PDXDC1: variants seen among roughly 807,000 people sequenced by gnomAD.
The protein encoded by PDXDC1 is pyridoxal-dependent decarboxylase domain-containing protein 1.
PDXDC1 carries 42 observed loss-of-function variants against 100.1 expected under a neutral mutation model. That is an observed-to-expected ratio of 0.42 (90% CI 0.33 to 0.54). The LOEUF is 0.54. Ranked by LOEUF, PDXDC1 falls within the 20% of genes least tolerant of loss-of-function variation. The pLI is 0.10. For synonymous variants in PDXDC1, 260 were observed against 371.7 expected, an observed-to-expected ratio of 0.70 and a Z score of 3.46; for missense variants, 636 against 979.2, an observed-to-expected ratio of 0.65 and a Z score of 4.68.
intron 16 of PDXDC1, chr16:15,094,038 C>T (rs1215428015): frequency 1.0e-6 from 1 of 980,120 alleles, no homozygotes; most frequent in Non-Finnish European, 1.6e-6. Context: ...ACCCCGTGCT[C>T]CTATCACACG....
intron 11 of PDXDC1, among the ~76,000 whole-genome samples, chr16:15,017,944 G>A (rs1217938597): frequency 1.5e-4 from 23 of 152,214 alleles, no homozygotes; most frequent in African/African-American, 5.1e-4. Flanking sequence ...ACAGGCATGC[G>A]CCACCACGCC....
intron 16 of PDXDC1, among the ~76,000 whole-genome samples, chr16:15,058,077 C>T (rs764552011): frequency 1.8e-4 from 28 of 152,062 alleles, no homozygotes; most frequent in Non-Finnish European, 2.8e-4. Context: ...TTTGAAAGGC[C>T]GAAGGAGGAC....
In PDXDC1 at chr16:15,079,623, C is replaced by T. The variant is rs531748907; in HGVS notation, c.1399+49567C>T. Among the ~76,000 whole-genome samples the T allele has an allele frequency of 5.0e-3, 754 of 150,388 alleles. 8 individuals are homozygous for T. The highest frequency in any genetic ancestry group is 0.017 in the African/African-American group (709 of 40,952). On this transcript the variant is annotated intron_variant, in intron 16 of 16. Transcript: ENST00000535621. ...TTTTTTTTTTTTTGAGATGGAGTCT[C>T]GCTCTGTCGCCCAGGCTGGAGTGCA... is the stretch of plus-strand genomic sequence containing the variant.
At chr16:15,002,805 C>T (rs1372832403) in intron 4 of PDXDC1, among the ~76,000 whole-genome samples, 1 of 152,300 alleles carries the variant, frequency 6.6e-6, no homozygotes, top group East Asian at 1.9e-4. Flanking sequence ...TTTTCACCTG[C>T]AAAGGCGTTA....
At chr16:15,128,805 GTATTT>G (rs985274563) in intron 16 of PDXDC1, among the ~76,000 whole-genome samples, 2 of 150,788 alleles carry the variant, frequency 1.3e-5, no homozygotes, top group African/African-American at 4.9e-5. Flanking sequence ...CCAGGTGACA[GTATTT>G]TTTTTTTTTT....
In PDXDC1 at chr16:15,028,888, T is replaced by A. The variant is rs143237387; in HGVS notation, c.1215T>A (p.Phe405Leu). The A allele has an allele frequency of 4.7e-5, 76 of 1,613,798 alleles. No individual in the cohort carries two copies. In the African/African-American group the frequency reaches 9.2e-4, roughly 20 times the overall value. ...GTGTTTTGGTGTCAGATCCGGTGTTTAAAGCCGTCCCAGTGCCCAACATGA... is the reference window on the plus strand; with the variant it reads ...GTGTTTTGGTGTCAGATCCGGTGTTAAAAGCCGTCCCAGTGCCCAACATGA... The part of the protein sequence containing the change: ...FQELPGSDPV[F>L]KAVPVPNMTP... Residue 405 changes from phenylalanine (F) to leucine (L), a missense_variant, in exon 15 of 23, where the codon TTT (phenylalanine) becomes TTA (leucine). Phe to Leu is a conservative substitution (Grantham distance 22, BLOSUM62 0). Coordinates refer to ENST00000396410, the MANE Select transcript of PDXDC1 (RefSeq NM_015027.4).
the PDXDC1 span, among the ~76,000 whole-genome samples, chr16:15,147,725 G>A: frequency 9.9e-5 from 15 of 152,136 alleles, no homozygotes; most frequent in Non-Finnish European, 1.8e-4. Flanking sequence ...GTCTCGCTCT[G>A]TTGACCAGGC....
intron 22 of PDXDC1, 126 bp from the exon 23 acceptor site, chr16:15,035,890 C>A: frequency 9.7e-7 from 1 of 1,033,562 alleles, no homozygotes; most frequent in Non-Finnish European, 1.4e-6. Context: ...TAAAACACCT[C>A]AGAGCCAGTA....
intron 14 of PDXDC1, among the ~76,000 whole-genome samples, chr16:15,027,689 C>T (rs1207779057): frequency 3.3e-5 from 5 of 152,294 alleles, no homozygotes; most frequent in Admixed American, 2.0e-4. Context: ...GCTGGCTTGC[C>T]GGGGCCTGTC....
intron 16 of PDXDC1, chr16:15,104,360 A>G: frequency 6.3e-7 from 1 of 1,597,912 alleles, no homozygotes; most frequent in Non-Finnish European, 8.5e-7. Flanking sequence ...GTTTCTTCAG[A>G]TTATCATCCA....
intron 16 of PDXDC1, among the ~76,000 whole-genome samples, chr16:15,098,067 G>A (rs754350961): frequency 5.9e-4 from 87 of 148,148 alleles, no homozygotes; most frequent in Non-Finnish European, 9.2e-4. Flanking sequence ...ATGAGCCACC[G>A]CGACCAGCCT....
rs532430347 is a variant in PDXDC1, at chr16:15,058,297, AAAAAAG to A, written c.1399+28257_1399+28262del. ...TGATTACAGCAAGACCGTCTCAAAA[AAAAAAG>A]AAAAAGAAAAAGAAAGCACTAATTA... On this transcript the variant is annotated intron_variant, in intron 16 of 16. Coordinates refer to the PDXDC1 transcript ENST00000535621. 2.8e-4 allele frequency among the ~76,000 whole-genome samples: 42 copies of A among 152,232 alleles called. No individual in the cohort carries two copies. In the South Asian group the frequency reaches 7.9e-3, roughly 29 times the overall value.
chr16:15,110,649 G>A, intron 16 of PDXDC1: 4 of 1,559,498 alleles, frequency 2.6e-6, no homozygotes, highest in Non-Finnish European at 3.5e-6. Flanking sequence ...AGAAACCTGA[G>A]GGCAAGAAGC....
Position 15,051,325 on chromosome 16 carries a change from A to C in PDXDC1, c.1399+21269A>C, listed in dbSNP as rs191007689. ...AAATTATCAGAAGAGAGAATGCCAG[A>C]AAACTAAAACAGTAGACTGCTTTGC... On this transcript the variant is annotated intron_variant, in intron 16 of 16. Coordinates refer to the PDXDC1 transcript ENST00000535621. 7.9e-5 allele frequency among the ~76,000 whole-genome samples: 12 copies of C among 152,366 alleles called. No homozygotes were observed. In the South Asian group the frequency reaches 2.3e-3, roughly 29 times the overall value.
At chr16:15,133,241 G>A (rs2048193778) in intron 16 of PDXDC1, 8 of 1,446,442 alleles carry the variant, frequency 5.5e-6, no homozygotes, top group African/African-American at 1.4e-5. Context: ...CAGATGTGAG[G>A]TCCCCTGCCA....
At chr16:15,041,734 A>G, downstream of PDXDC1, 1 of 1,282,170 alleles carries the variant, frequency 7.8e-7, no homozygotes, top group Non-Finnish European at 1.1e-6. Flanking sequence ...ACCAGAACAA[A>G]CTGCTGAGCA....
chr16:14,996,138 T>A (rs1359754553), intron 1 of PDXDC1, among the ~76,000 whole-genome samples: 1 of 152,280 alleles, frequency 6.6e-6, no homozygotes, highest in Non-Finnish European at 1.5e-5. Flanking sequence ...CCCAGGGACC[T>A]TAAAGCTCAG....
intron 1 of PDXDC1, among the ~76,000 whole-genome samples, chr16:14,993,234 C>T (rs138477195): frequency 1.1e-4 from 16 of 152,076 alleles, no homozygotes; most frequent in African/African-American, 2.2e-4. Flanking sequence ...GTTGGTGTGC[C>T]GCACCCATTA....
chr16:15,151,117 T>G, the PDXDC1 span, among the ~76,000 whole-genome samples: 1 of 22,982 alleles, frequency 4.4e-5, no homozygotes, highest in African/African-American at 8.7e-5. Context: ...AAAAAAAAAG[T>G]ATATATTTTT....
Sources: allele counts gnomAD v4.1 joint callset (sites outside exome capture counted in the v4.1 genomes callset), GRCh38; gene constraint gnomAD v4.1.1; transcripts MANE v1.5; gene names NCBI Gene and HGNC (gene_info 2026-07-23, HGNC 2026-07-21).